SEC14L4: variants seen among roughly 807,000 people sequenced by gnomAD.
SEC14L4 encodes SEC14-like protein 4.
A neutral mutation model predicts 55.1 loss-of-function variants in SEC14L4; 42 were observed. That is an observed-to-expected ratio of 0.76 (90% CI 0.60 to 0.99). SEC14L4 has a LOEUF of 0.99. Ranked by LOEUF, SEC14L4 falls within the 50% of genes least tolerant of loss-of-function variation. The pLI is 0.00. For missense variants in SEC14L4, 445 were observed against 512.1 expected (o/e 0.87, Z 1.27); for synonymous variants, 206 against 206.8 (o/e 1.00, Z 0.03).
intron 6 of SEC14L4, 68 bp downstream of exon 6, chr22:30,494,798 A>G (rs1395861372): frequency 2.9e-6 from 3 of 1,051,400 alleles, no homozygotes; most frequent in Non-Finnish European, 4.4e-6. Context: ...TCTCACATCA[A>G]TTCACAGCTA....
chr22:30,496,918 C>A (rs1229623661), intron 2 of SEC14L4, among the ~76,000 whole-genome samples: 2 of 152,166 alleles, frequency 1.3e-5, no homozygotes, highest in South Asian at 2.1e-4. Flanking sequence ...CTCTCTGAGA[C>A]CCCTGGCTCA....
chr22:30,502,603 T>C (rs1936364751), intron 2 of SEC14L4, among the ~76,000 whole-genome samples: 1 of 152,106 alleles, frequency 6.6e-6, no homozygotes, highest in African/African-American at 2.4e-5. Flanking sequence ...TAGGCTGGAG[T>C]GCAGTGGTAC....
intron 2 of SEC14L4, among the ~76,000 whole-genome samples, chr22:30,500,527 C>G (rs970187142): frequency 1.1e-4 from 17 of 151,820 alleles, no homozygotes; most frequent in Admixed American, 5.3e-4. Flanking sequence ...CCAACACACC[C>G]GGCTTATTTT....
Position 30,494,115 on chromosome 22 carries a change from C to T in SEC14L4, c.580+35G>A, listed in dbSNP as rs758080588. 5.2e-6 allele frequency: 8 copies of T among 1,527,646 alleles called. No homozygotes were observed. The South Asian group carries it at 6.7e-5, about 13-fold the overall frequency. 94.6% of individuals were successfully genotyped at this position (1,527,646 alleles called of 1,614,324 possible). ...TACTGTACCCCCAATTCCTGCTTCT[C>T]CCTCCCCAGGAGGTCATCCCGGTCA... is the stretch of plus-strand genomic sequence containing the variant. On this transcript the variant is annotated intron_variant, in intron 7 of 11. Transcript: ENST00000255858.
chr22:30,495,781 G>A, intron 3 of SEC14L4, 139 bp from the exon 4 acceptor site: 1 of 1,599,466 alleles, frequency 6.3e-7, no homozygotes, highest in African/African-American at 1.3e-5. Context: ...TGGGCTGGGG[G>A]GACTTGGGTC....
At position 30,490,053 on chromosome 22, in the gene SEC14L4, C is replaced by A. The variant is rs553000529; in HGVS notation, c.*54G>T. On this transcript the variant is annotated 3_prime_UTR_variant, in exon 12 of 12. Coordinates refer to ENST00000255858, the MANE Select transcript of SEC14L4 (RefSeq NM_174977.4). ...CCACCCTGCCTGGGAAGGCAGGGGT[C>A]AGAGGGGTGGGTGTGAAGGGGTTGG... The A allele has an allele frequency of 1.2e-6, 2 of 1,602,728 alleles. No homozygotes were observed. The highest frequency in any genetic ancestry group is 1.1e-5 in the South Asian group (1 of 89,476).
chr22:30,494,316 A>G, intron 6 of SEC14L4, 106 bp from the exon 7 acceptor site: 1 of 812,088 alleles, frequency 1.2e-6, no homozygotes, highest in South Asian at 1.4e-5. Context: ...TCCCTGGCCC[A>G]TCCTACCTTC....
chr22:30,505,556 A>G lies in SEC14L4; in HGVS notation c.54+2T>C. The G allele has an allele frequency of 6.4e-7, 1 of 1,565,144 alleles. No homozygotes were observed. The highest frequency in any genetic ancestry group is 1.2e-5 in the South Asian group (1 of 85,270). On this transcript the variant is annotated splice_donor_variant, in intron 1 of 11. Coordinates refer to ENST00000255858, the MANE Select transcript of SEC14L4 (RefSeq NM_174977.4). LOFTEE classifies it high-confidence loss of function. ...AGCCTCCCAGCCCGCGATGCTCCTC[A>G]CCCTGGCCAGCGCTTCCTGCTGCTG... is the stretch of plus-strand genomic sequence containing the variant.
Position 30,489,939 on chromosome 22 carries a change from C to A in SEC14L4, c.*168G>T. On this transcript the variant is annotated 3_prime_UTR_variant, in exon 12 of 12. Coordinates refer to ENST00000255858, the MANE Select transcript of SEC14L4 (RefSeq NM_174977.4). Reference sequence around the variant, plus strand: ...CAGCATGGGCTATGCACTGGTGGCCCCTTCCTGCTTGGCCACTGTGCCAGG... The same window carrying A: ...CAGCATGGGCTATGCACTGGTGGCCACTTCCTGCTTGGCCACTGTGCCAGG... 3 of 1,551,978 alleles carry A rather than the reference C, an allele frequency of 1.9e-6. No individual in the cohort carries two copies. Among genetic ancestry groups the A allele is most frequent in the African/African-American group, 1.4e-5 (1 of 73,174 alleles).
At chr22:30,497,064 C>T (rs750911632) in intron 2 of SEC14L4, among the ~76,000 whole-genome samples, 6 of 152,146 alleles carry the variant, frequency 3.9e-5, no homozygotes, top group African/African-American at 1.2e-4. Context: ...CCCGGCCAGG[C>T]GTGGTGGCTC....
intron 8 of SEC14L4, 127 bp from the exon 9 acceptor site, chr22:30,492,282 G>A (rs1294972752): frequency 2.3e-6 from 3 of 1,281,706 alleles, no homozygotes; most frequent in African/African-American, 3.0e-5. Flanking sequence ...ACTCCTAAGA[G>A]TACCCAAGAC....
chr22:30,504,027 T>A (rs911894408), intron 1 of SEC14L4, among the ~76,000 whole-genome samples: 1 of 138,392 alleles, frequency 7.2e-6, no homozygotes, highest in Admixed American at 8.1e-5. Context: ...ATTTTTAATT[T>A]TTATTTTATT....
At chr22:30,505,456 GC>G in intron 1 of SEC14L4, 101 bp downstream of exon 1, 1 of 1,226,860 alleles carries the variant, frequency 8.2e-7, no homozygotes, top group Non-Finnish European at 1.2e-6. Context: ...CTCTCTCCAG[GC>G]TCGGTGTTCC....
At position 30,490,257 on chromosome 22, in the gene SEC14L4, G is replaced by A; in HGVS notation, c.1082-11C>T. 1 of 1,612,024 alleles carries A rather than the reference G, an allele frequency of 6.2e-7. No individual in the cohort carries two copies. The highest frequency in any genetic ancestry group is 8.5e-7 in the Non-Finnish European group (1 of 1,180,016). Reference sequence around the variant, plus strand: ...CGAAGCGCAGGACATCTGCAGTGATGGAGAGGTGATCAGGGAGCACAAACC... The same window carrying A: ...CGAAGCGCAGGACATCTGCAGTGATAGAGAGGTGATCAGGGAGCACAAACC... On this transcript the variant is annotated splice_polypyrimidine_tract_variant and intron_variant, in intron 11 of 11. Coordinates refer to ENST00000255858, the MANE Select transcript of SEC14L4 (RefSeq NM_174977.4).
At chr22:30,503,848 C>T (rs558498537) in intron 1 of SEC14L4, 96 bp from the exon 2 acceptor site, 7 of 911,806 alleles carry the variant, frequency 7.7e-6, no homozygotes, top group East Asian at 2.6e-5. Context: ...CACCAGTCAA[C>T]TCCACCAGAA....
intron 1 of SEC14L4, among the ~76,000 whole-genome samples, chr22:30,504,360 C>G (rs1044308096): frequency 1.3e-5 from 2 of 152,088 alleles, no homozygotes; most frequent in Non-Finnish European, 2.9e-5. Flanking sequence ...CGACTGACAG[C>G]CTTATTTCTA....
chr22:30,491,991 G>A lies in SEC14L4; in HGVS notation c.772-18C>T, dbSNP rs1935975942. Reference sequence around the variant, plus strand: ...TAGTTGATCTGTGGGTGAAGGGGGTGTGTGGGCACTAGATCACAGCTTCTC... The same window carrying A: ...TAGTTGATCTGTGGGTGAAGGGGGTATGTGGGCACTAGATCACAGCTTCTC... On this transcript the variant is annotated intron_variant, in intron 9 of 11. Transcript: ENST00000255858. The A allele has an allele frequency of 1.1e-5, 18 of 1,613,824 alleles. No homozygotes were observed. The highest frequency in any genetic ancestry group is 1.4e-5 in the Non-Finnish European group (17 of 1,179,884).
rs143766352 is a variant in SEC14L4 at position 30,495,359 on chromosome 22, G to A, written c.318C>T (p.Leu106=). The A allele has an allele frequency of 8.4e-5, 135 of 1,613,868 alleles. No homozygotes were observed. The highest frequency in any genetic ancestry group is 1.1e-4 in the Non-Finnish European group (127 of 1,179,950). Residue 106 remains leucine, a synonymous_variant, in exon 5 of 12, where the codon CTC becomes CTT. Transcript: ENST00000255858. The stretch of plus-strand genomic sequence containing the variant: ...CTGACAGCAGGAGACCCTTGGGGTC[G>A]AGGGACCCAATGATGTTGAAGTACA... The part of the protein sequence containing the change: ...CPVYFNIIGS[L]DPKGLLLSAS...
At position 30,505,595 on chromosome 22, in the gene SEC14L4, C is replaced by A. The variant is rs866178862; in HGVS notation, c.17G>T (p.Gly6Val). ...TTCCTGCTGCTGGGGGCTCAGGTCC[C>A]CGACTCGGCTGCTCATGGTGCCCGC... MSSRVGDLSPQQQEAL... is the reference protein window; with the variant it reads MSSRVVDLSPQQQEAL... Residue 6 changes from glycine to valine, a missense_variant, in exon 1 of 12, where the codon GGG becomes GTG. Transcript: ENST00000255858. 6.4e-7 allele frequency: 1 copy of A among 1,567,472 alleles called. No homozygotes were observed. Among genetic ancestry groups the A allele is most frequent in the East Asian group, 2.3e-5 (1 of 42,568 alleles).
Sources: allele counts gnomAD v4.1 joint callset (sites outside exome capture counted in the v4.1 genomes callset), GRCh38; gene constraint gnomAD v4.1.1; transcripts MANE v1.5; gene names NCBI Gene and HGNC (gene_info 2026-07-23, HGNC 2026-07-21).